The following ERI2 variants were observed in gnomAD, a reference collection of about 807,000 sequenced individuals.
ERI2 encodes ERI1 exoribonuclease 2.
Under a neutral mutation model 46.8 loss-of-function variants are expected in ERI2, and 35 were observed. The observed-to-expected ratio is 0.75, with a 90% confidence interval of 0.57 to 0.99. The LOEUF (loss-of-function observed/expected upper bound fraction) is 0.99. ERI2 is among the 50% of genes least tolerant of loss of function. The pLI, the probability that ERI2 is intolerant of heterozygous loss-of-function variation, is 0.00. For missense variants in ERI2, 695 were observed against 796.2 expected, an observed-to-expected ratio of 0.87 and a Z score of 1.53; for synonymous variants, 224 against 271.0, an observed-to-expected ratio of 0.83 and a Z score of 1.70.
At chr16:20,784,564 A>G (rs766744843) in intron 10 of ERI2, 9 of 161,300 alleles carry the variant, frequency 5.6e-5, no homozygotes, top group Non-Finnish European at 1.1e-4. Context: ...GCAGATTAGC[A>G]TGGCCCCTGC....
At chr16:20,786,076 A>C (rs766038257) in intron 10 of ERI2, 1 of 1,542,412 alleles carries the variant, frequency 6.5e-7, no homozygotes, top group East Asian at 2.3e-5. Context: ...CTTCTTAACT[A>C]GGTGCTAATC....
At chr16:20,789,099 A>T (rs2080537445) in intron 10 of ERI2, among the ~76,000 whole-genome samples, 1 of 152,198 alleles carries the variant, frequency 6.6e-6, no homozygotes, top group Admixed American at 6.5e-5. Flanking sequence ...GCAAAATCTG[A>T]TGTATAAAAT....
At chr16:20,781,809 G>A (rs2080359590) in intron 10 of ERI2, 4 of 1,540,448 alleles carry the variant, frequency 2.6e-6, no homozygotes, top group Non-Finnish European at 3.6e-6. Flanking sequence ...TAGTAAATAG[G>A]CATCTAGTGG....
At chr16:20,801,787 C>G (rs1302203552) in intron 4 of ERI2, among the ~76,000 whole-genome samples, 1 of 151,684 alleles carries the variant, frequency 6.6e-6, no homozygotes, top group Non-Finnish European at 1.5e-5. Context: ...GAGACGAGGT[C>G]TTGCTTTGTT....
In ERI2 at chr16:20,790,546, A is replaced by C. The variant is rs1567362376; in HGVS notation, c.815+304T>G. 3 of 1,569,718 alleles carry C rather than the reference A, an allele frequency of 1.9e-6. No individual in the cohort carries two copies. Among genetic ancestry groups the C allele is most frequent in the Middle Eastern group, 3.4e-4 (2 of 5,906 alleles). On this transcript the variant is annotated intron_variant, in intron 9 of 10. Coordinates refer to the ERI2 transcript ENST00000300005. This position sits in a 1 kb window ranked among gnomAD's most constrained non-coding sequence, Gnocchi z 4.0. ...AGTTAATATTTAAGCTGCGACATTA[A>C]ACAAAAATTTCCTTAAATAAATTGT...
At chr16:20,801,854 G>A (rs891553933) in intron 4 of ERI2, among the ~76,000 whole-genome samples, 10 of 151,974 alleles carry the variant, frequency 6.6e-5, no homozygotes, top group African/African-American at 2.4e-4. Flanking sequence ...CACCTCCTGG[G>A]TTCAAGTGAG....
At chr16:20,793,394 G>A (rs1034771704), downstream of ERI2, among the ~76,000 whole-genome samples, 16 of 152,280 alleles carry the variant, frequency 1.1e-4, no homozygotes, top group East Asian at 2.5e-3. Flanking sequence ...ACTTGGACCC[G>A]GGACGGGGAG....
chr16:20,787,224 T>C (rs1220167535), intron 10 of ERI2, among the ~76,000 whole-genome samples: 3 of 152,166 alleles, frequency 2.0e-5, no homozygotes, highest in African/African-American at 7.2e-5. Context: ...ACATCCTAAG[T>C]CACAAATGCA....
chr16:20,795,283 A>C (rs1002481349), downstream of ERI2, among the ~76,000 whole-genome samples: 1 of 152,132 alleles, frequency 6.6e-6, no homozygotes, highest in Non-Finnish European at 1.5e-5. Flanking sequence ...GGCCTCCCAA[A>C]TGTTGGCAGT....
At chr16:20,799,471 TTATGACCA>T in intron 7 of ERI2, 120 bp from the exon 8 acceptor site, 1 of 925,898 alleles carries the variant, frequency 1.1e-6, no homozygotes, top group Non-Finnish European at 1.6e-6. Context: ...AGTTTTAGTT[TTATGACCA>T]TCTACTAATT....
At chr16:20,781,750 A>T in intron 10 of ERI2, 1 of 1,613,424 alleles carries the variant, frequency 6.2e-7, no homozygotes. Flanking sequence ...TTCAGCACCA[A>T]CTGTATACCG....
At chr16:20,786,783 G>A (rs1227359279) in intron 10 of ERI2, among the ~76,000 whole-genome samples, 1 of 152,192 alleles carries the variant, frequency 6.6e-6, no homozygotes, top group Non-Finnish European at 1.5e-5. Context: ...AGAGGTAAAA[G>A]AACTCACCAG....
chr16:20,801,168 C>T (rs1358130876), intron 5 of ERI2, 35 bp downstream of exon 5: 2 of 1,526,336 alleles, frequency 1.3e-6, no homozygotes, highest in African/African-American at 2.8e-5. Flanking sequence ...GTAATGCTAC[C>T]CATCTGTGAT....
At chr16:20,791,049 G>C in intron 8 of ERI2, 1 of 973,914 alleles carries the variant, frequency 1.0e-6, no homozygotes, top group Admixed American at 2.6e-5. Context: ...GAGAGGGACA[G>C]GGGATGCGGG....
chr16:20,789,017 G>T (rs1180238662), intron 10 of ERI2, among the ~76,000 whole-genome samples: 1 of 152,132 alleles, frequency 6.6e-6, no homozygotes, highest in Non-Finnish European at 1.5e-5. Context: ...CACACCTCAG[G>T]TTTGAAGGTA....
chr16:20,796,101 A>T (rs755690467), downstream of ERI2: 17 of 346,088 alleles, frequency 4.9e-5, no homozygotes, highest in Admixed American at 6.3e-4. Flanking sequence ...GACATGGCAA[A>T]CTCAGCGTGA....
At chr16:20,792,844 C>G, downstream of ERI2, 3 of 437,934 alleles carry the variant, frequency 6.9e-6, no homozygotes, top group Non-Finnish European at 9.1e-6. Context: ...CACAGGTGTC[C>G]TGAAAGCCCA....
intron 5 of ERI2, 26 bp from the exon 6 acceptor site, chr16:20,800,428 C>A: frequency 7.0e-7 from 1 of 1,428,308 alleles, no homozygotes; most frequent in Non-Finnish European, 9.7e-7. Context: ...TAAAATAGAA[C>A]AAAGTCAATG....
chr16:20,800,388 C>A lies in ERI2; in HGVS notation c.475G>T (p.Val159Phe), dbSNP rs769503260. 21 of 1,604,652 alleles carry A rather than the reference C, an allele frequency of 1.3e-5. No homozygotes were observed. In the South Asian group the frequency reaches 1.9e-4, roughly 14 times the overall value. ...FVTWSDWDLG[V>F]CLEYECKRKQ... ...CTTTTACACTCATACTCCAGGCAAA[C>A]CCCCAAGTCCCAGTCTGCATTAGGT... The change falls in exon 6 of 9, where the codon GTT becomes TTT. Residue 159 changes from valine to phenylalanine, a missense_variant. Transcript: ENST00000357967.
Sources: gnomAD v4.1 joint callset for allele counts (sites outside exome capture counted in the v4.1 genomes callset) on GRCh38, gnomAD v4.1.1 for gene constraint, Gnocchi (gnomAD v3.1) non-coding constraint, MANE v1.5 for transcripts, NCBI Gene and HGNC (gene_info 2026-07-23, HGNC 2026-07-21) for gene names.